Variants in RGSL1 observed in about 807,000 individuals in gnomAD.
RGSL1 encodes regulator of G protein signaling like 1, also known as regulator of G protein signaling protein-like.
A neutral mutation model predicts 124.7 loss-of-function variants in RGSL1; 97 were observed. That is an observed-to-expected ratio of 0.78 (90% CI 0.66 to 0.92). RGSL1 has a LOEUF of 0.92. Among genes scored for constraint, RGSL1 ranks in the 40% least tolerant of loss-of-function variants. The pLI, the probability that RGSL1 is intolerant of heterozygous loss-of-function variation, is 0.00. For synonymous variants in RGSL1, 424 were observed against 438.1 expected, an observed-to-expected ratio of 0.97 and a Z score of 0.40; for missense variants, 1,233 against 1,288.4, an observed-to-expected ratio of 0.96 and a Z score of 0.66.
At position 182,490,435 on chromosome 1, in the gene RGSL1, A is replaced by G. The variant is rs149829650; in HGVS notation, c.1717+1233A>G. ...AGAATGTAACATCCGGCTCTTTTTT[A>G]AAACTTTAATATGCACTCTGTATAC... On this transcript the variant is annotated intron_variant, in intron 8 of 21. Transcript: ENST00000294854. Among the ~76,000 whole-genome samples, 28 of 152,300 alleles carry G rather than the reference A, an allele frequency of 1.8e-4. 5 individuals are homozygous for G. Among genetic ancestry groups the G allele is most frequent in the African/African-American group, 6.7e-4 (28 of 41,554 alleles).
chr1:182,459,470 G>A (rs566615644), intron 3 of RGSL1, among the ~76,000 whole-genome samples: 1 of 152,148 alleles, frequency 6.6e-6, no homozygotes, highest in African/African-American at 2.4e-5. Context: ...ATTTCCCAAG[G>A]ATAACCCTGA....
chr1:182,459,666 C>T (rs1158166858), intron 3 of RGSL1, among the ~76,000 whole-genome samples: 1 of 152,172 alleles, frequency 6.6e-6, no homozygotes, highest in Non-Finnish European at 1.5e-5. Context: ...GATCTGACAC[C>T]ACAGACCCAA....
Position 182,548,780 on chromosome 1 carries a change from G to C in RGSL1, c.2889G>C (p.Gly963=). ...ACCTAGATCGGAGCGTCTTCCATGGGGCTATCATGTCTGTCTTCCCCGTTG... is the reference window on the plus strand; with the variant it reads ...ACCTAGATCGGAGCGTCTTCCATGGCGCTATCATGTCTGTCTTCCCCGTTG... The part of the protein sequence containing the change: ...EGYLDRSVFH[G]AIMSVFPVVM... Residue 963 remains glycine (G), a synonymous_variant, in exon 17 of 22, where the codon GGG becomes GGC. Coordinates refer to ENST00000294854, the MANE Select transcript of RGSL1 (RefSeq NM_001137669.2). 1 of 1,551,598 alleles carries C rather than the reference G, an allele frequency of 6.4e-7. No individual in the cohort carries two copies. Among genetic ancestry groups the C allele is most frequent in the Non-Finnish European group, 8.7e-7 (1 of 1,146,970 alleles).
chr1:182,552,769 A>G (rs985335699), intron 18 of RGSL1, among the ~76,000 whole-genome samples: 2 of 152,232 alleles, frequency 1.3e-5, no homozygotes, highest in African/African-American at 4.8e-5. Context: ...GCATCACCCC[A>G]TGGTGGAAGG....
chr1:182,497,278 T>G (rs923297987), intron 9 of RGSL1, among the ~76,000 whole-genome samples: 1 of 149,950 alleles, frequency 6.7e-6, no homozygotes, highest in Non-Finnish European at 1.5e-5. Context: ...TGTGTGTGTG[T>G]GTGCATGTGT....
intron 11 of RGSL1, 111 bp from the exon 12 acceptor site, chr1:182,530,133 G>T (rs770110394): frequency 1.9e-4 from 136 of 713,402 alleles, no homozygotes; most frequent in Non-Finnish European, 2.6e-4. Context: ...TAGCCAGATT[G>T]AAAATGGGGG....
chr1:182,492,683 C>A (rs1655617254), intron 8 of RGSL1, among the ~76,000 whole-genome samples: 1 of 149,640 alleles, frequency 6.7e-6, no homozygotes. Flanking sequence ...GGATGGAGTG[C>A]AGTGGCCCAA....
At chr1:182,526,369 A>G (rs1290602255) in intron 10 of RGSL1, among the ~76,000 whole-genome samples, 1 of 152,196 alleles carries the variant, frequency 6.6e-6, no homozygotes, top group Non-Finnish European at 1.5e-5. Flanking sequence ...ATCCAGCAAT[A>G]TATAAAAAAG....
intron 9 of RGSL1, among the ~76,000 whole-genome samples, chr1:182,520,794 A>G (rs139121405): frequency 1.4e-3 from 207 of 152,120 alleles, no homozygotes; most frequent in African/African-American, 4.8e-3. Context: ...ATATATTTCT[A>G]TTGCTTTTAA....
At chr1:182,503,490 C>T (rs1406057195) in intron 9 of RGSL1, among the ~76,000 whole-genome samples, 1 of 148,990 alleles carries the variant, frequency 6.7e-6, no homozygotes, top group Non-Finnish European at 1.5e-5. Flanking sequence ...ACAAACATCG[C>T]GTGTTCTCAC....
chr1:182,518,570 C>A (rs1004152754), intron 9 of RGSL1, among the ~76,000 whole-genome samples: 25 of 152,282 alleles, frequency 1.6e-4, no homozygotes, highest in African/African-American at 6.0e-4. Context: ...TCCCTTCAGG[C>A]ACTCTGAATT....
chr1:182,554,886 C>T (rs1348721278), intron 20 of RGSL1, 193 bp downstream of exon 20: 2 of 589,602 alleles, frequency 3.4e-6, no homozygotes, highest in Non-Finnish European at 6.0e-6. Flanking sequence ...CCTTTCTCAC[C>T]TCCAACTAGG....
intron 2 of RGSL1, among the ~76,000 whole-genome samples, chr1:182,457,882 C>A (rs1362104107): frequency 6.6e-6 from 1 of 152,236 alleles, no homozygotes; most frequent in Non-Finnish European, 1.5e-5. Context: ...GTCTCCACAT[C>A]TTTAGTCCTC....
At chr1:182,530,413 TC>T in intron 12 of RGSL1, 52 bp downstream of exon 12, 9 of 1,395,476 alleles carry the variant, frequency 6.4e-6, no homozygotes, top group Non-Finnish European at 8.9e-6. Flanking sequence ...CTCCTTGGCT[TC>T]TGAAAGCCAT....
intron 9 of RGSL1, among the ~76,000 whole-genome samples, chr1:182,513,409 A>T (rs1571620614): frequency 6.6e-6 from 1 of 152,370 alleles, no homozygotes; most frequent in African/African-American, 2.4e-5. Context: ...TGGGTTAAAC[A>T]TGTGTATTAT....
Position 182,475,057 on chromosome 1 carries a change from C to A in RGSL1, c.1431+515C>A, listed in dbSNP as rs990539743. Among the ~76,000 whole-genome samples the A allele has an allele frequency of 5.3e-5, 8 of 152,258 alleles. 1 individual carries two copies. Among genetic ancestry groups the A allele is most frequent in the East Asian group, 1.9e-4 (1 of 5,184 alleles). On this transcript the variant is annotated intron_variant, in intron 6 of 21. Transcript: ENST00000294854. ...AATTTTGCAACGTCCCCCAAATCAG[C>A]CAAAAATTCTAAAGTACAATGGAGG... is the stretch of plus-strand genomic sequence containing the variant.
chr1:182,452,658 G>A (rs547916119), intron 1 of RGSL1, among the ~76,000 whole-genome samples: 1 of 152,156 alleles, frequency 6.6e-6, no homozygotes, highest in Admixed American at 6.5e-5. Flanking sequence ...TCATCATGTT[G>A]GTCAGCCTGG....
chr1:182,557,988 G>A (rs915942454), intron 21 of RGSL1, among the ~76,000 whole-genome samples: 3 of 152,062 alleles, frequency 2.0e-5, no homozygotes, highest in African/African-American at 7.2e-5. Context: ...TGTCCCAAAG[G>A]GGTCAGAGAC....
chr1:182,481,217 AAGAG>A (rs937919476), intron 6 of RGSL1, among the ~76,000 whole-genome samples: 6 of 152,114 alleles, frequency 3.9e-5, no homozygotes, highest in Admixed American at 6.5e-5. Context: ...GCTTAAAAAA[AAGAG>A]AGAGAAGTTT....
Sources: gnomAD v4.1 joint callset for allele counts (sites outside exome capture counted in the v4.1 genomes callset) on GRCh38, gnomAD v4.1.1 for gene constraint, MANE v1.5 for transcripts, NCBI Gene and HGNC (gene_info 2026-07-23, HGNC 2026-07-21) for gene names.